The following EYS variants were observed in gnomAD, a reference collection of about 807,000 sequenced individuals.
EYS encodes the protein EGF-like photoreceptor maintenance factor.
A neutral mutation model predicts 282.1 loss-of-function variants in EYS; 250 were observed. The ratio of observed to expected loss-of-function variants is 0.89; its 90% CI spans 0.80 to 0.98. The LOEUF is 0.98. Among genes scored for constraint, EYS ranks in the 50% least tolerant of loss-of-function variants. The pLI is 0.00. For missense variants in EYS, 4,016 were observed against 3,709.0 expected, an observed-to-expected ratio of 1.08 and a Z score of -2.15; for synonymous variants, 1,355 against 1,282.9, an observed-to-expected ratio of 1.06 and a Z score of -1.20.
chr6:64,546,757 A>C (rs1298890697), intron 26 of EYS, among the ~76,000 whole-genome samples: 1 of 152,210 alleles, frequency 6.6e-6, no homozygotes, highest in Non-Finnish European at 1.5e-5. Context: ...ATGCAGCCAA[A>C]AGACACATGA....
At chr6:64,196,548 G>A (rs928916540) in intron 31 of EYS, among the ~76,000 whole-genome samples, 6 of 152,044 alleles carry the variant, frequency 3.9e-5, no homozygotes, top group Admixed American at 2.6e-4. Context: ...TATACACCAC[G>A]GAATACTATG....
intron 14 of EYS, among the ~76,000 whole-genome samples, chr6:64,955,906 A>G (rs916667196): frequency 6.6e-5 from 10 of 152,136 alleles, no homozygotes; most frequent in African/African-American, 2.4e-4. Context: ...TGCTTTACAA[A>G]TTCTGCTCTG....
At chr6:64,951,833 T>C (rs560855860) in intron 14 of EYS, among the ~76,000 whole-genome samples, 194 of 151,954 alleles carry the variant, frequency 1.3e-3, no homozygotes, top group Non-Finnish European at 2.2e-3. Context: ...ATATGGGAAC[T>C]AATGAAAATA....
chr6:64,298,443 G>A (rs2150370927), intron 30 of EYS, among the ~76,000 whole-genome samples: 1 of 152,236 alleles, frequency 6.6e-6, no homozygotes, highest in Non-Finnish European at 1.5e-5. Context: ...AGCTGTTAAA[G>A]GAGTAGAGTT....
chr6:65,297,503 A>T (rs893481465), intron 11 of EYS, among the ~76,000 whole-genome samples: 1 of 151,986 alleles, frequency 6.6e-6, no homozygotes, highest in African/African-American at 2.4e-5. Context: ...GAGATTATTA[A>T]CGGTAGGAAG....
chr6:64,949,996 A>G (rs1322752612), intron 14 of EYS, among the ~76,000 whole-genome samples: 1 of 151,964 alleles, frequency 6.6e-6, no homozygotes, highest in African/African-American at 2.4e-5. Flanking sequence ...AATAATTGAC[A>G]GAAGTACCAC....
At chr6:63,752,579 G>A (rs1039432331) in intron 41 of EYS, among the ~76,000 whole-genome samples, 3 of 146,590 alleles carry the variant, frequency 2.0e-5, no homozygotes, top group South Asian at 4.3e-4. Context: ...TGCAAGCTCT[G>A]CCTCCCAGGT....
intron 19 of EYS, among the ~76,000 whole-genome samples, chr6:64,838,637 C>CACACACACAT (rs1359030072): frequency 6.6e-6 from 1 of 151,704 alleles, no homozygotes. Flanking sequence ...CACACACACA[C>CACACACACAT]ACACACGCAT....
At chr6:65,484,714 G>T (rs999484153) in intron 5 of EYS, among the ~76,000 whole-genome samples, 1 of 152,174 alleles carries the variant, frequency 6.6e-6, no homozygotes, top group African/African-American at 2.4e-5. Flanking sequence ...TTATATGTGA[G>T]AGGAAAATTG....
intron 15 of EYS, among the ~76,000 whole-genome samples, chr6:64,918,036 G>A (rs1768220573): frequency 6.6e-6 from 1 of 151,796 alleles, no homozygotes; most frequent in African/African-American, 2.4e-5. Context: ...TTATTTTATT[G>A]TTTTGTCTAT....
intron 31 of EYS, among the ~76,000 whole-genome samples, chr6:64,102,835 C>T (rs915626757): frequency 2.0e-4 from 31 of 152,080 alleles, no homozygotes; most frequent in Non-Finnish European, 3.5e-4. Context: ...AATGGATCCA[C>T]ATAATTAATG....
chr6:65,434,711 T>C (rs1221792841), intron 5 of EYS, among the ~76,000 whole-genome samples: 1 of 151,608 alleles, frequency 6.6e-6, no homozygotes, highest in Non-Finnish European at 1.5e-5. Flanking sequence ...AAATCTCTCA[T>C]CATACTTCTT....
chr6:65,441,125 G>C (rs1317722915), intron 5 of EYS, among the ~76,000 whole-genome samples: 1 of 150,948 alleles, frequency 6.6e-6, no homozygotes, highest in Admixed American at 6.6e-5. Flanking sequence ...AATAAGAAAT[G>C]TGTGTATTTT....
At position 65,129,804 on chromosome 6, in the gene EYS, T is replaced by C. The variant is rs1322078613; in HGVS notation, c.2024-72077A>G. ...ACATTTGACCCAACAGTCCCAATAC[T>C]GGATATACACTCAACGGAAAATAAA... On this transcript the variant is annotated intron_variant, in intron 12 of 42. Coordinates refer to ENST00000503581, the MANE Select transcript of EYS (RefSeq NM_001142800.2). Among the ~76,000 whole-genome samples, 8 of 152,018 alleles carry C rather than the reference T, an allele frequency of 5.3e-5. No individual in the cohort carries two copies. In the East Asian group the frequency reaches 1.4e-3, roughly 26 times the overall value.
chr6:65,241,957 TA>T (rs1242043987), intron 12 of EYS, among the ~76,000 whole-genome samples: 2 of 152,180 alleles, frequency 1.3e-5, no homozygotes, highest in East Asian at 1.9e-4. Flanking sequence ...ATTTGTCAAT[TA>T]AAAAATGAGA....
At chr6:64,276,742 T>C (rs889649914) in intron 30 of EYS, among the ~76,000 whole-genome samples, 1 of 152,148 alleles carries the variant, frequency 6.6e-6, no homozygotes, top group Non-Finnish European at 1.5e-5. Flanking sequence ...AAAATAATAC[T>C]TCCTTGCCAT....
intron 12 of EYS, among the ~76,000 whole-genome samples, chr6:65,257,779 A>G (rs552567759): frequency 6.5e-4 from 99 of 152,126 alleles, no homozygotes; most frequent in African/African-American, 2.1e-3. Context: ...CACTTACTGT[A>G]TGAGGTAAAA....
At chr6:64,958,286 A>C (rs1011529789) in intron 14 of EYS, among the ~76,000 whole-genome samples, 2 of 151,632 alleles carry the variant, frequency 1.3e-5, no homozygotes, top group Non-Finnish European at 2.9e-5. Flanking sequence ...GGAGGCTGAG[A>C]CATGAGAGTC....
At chr6:65,459,360 T>C (rs1764736107) in intron 5 of EYS, among the ~76,000 whole-genome samples, 1 of 152,096 alleles carries the variant, frequency 6.6e-6, no homozygotes, top group Non-Finnish European at 1.5e-5. Flanking sequence ...TTCTGAATAA[T>C]TGCTGTCATT....
Sources: gnomAD v4.1 joint callset for allele counts (sites outside exome capture counted in the v4.1 genomes callset) on GRCh38, gnomAD v4.1.1 for gene constraint, MANE v1.5 for transcripts, NCBI Gene and HGNC (gene_info 2026-07-23, HGNC 2026-07-21) for gene names.